Variants in SAMD12 observed in about 807,000 individuals in gnomAD.
SAMD12 encodes the protein sterile alpha motif domain-containing protein 12.
In SAMD12, 9 loss-of-function variants were observed where a neutral mutation model predicts 15.0. That is an observed-to-expected ratio of 0.60 (90% CI 0.36 to 1.05). SAMD12 has a LOEUF of 1.05. Ranked by LOEUF, SAMD12 falls within the 50% of genes least tolerant of loss-of-function variation. The probability of loss-of-function intolerance (pLI) is 0.01; values close to 1 mark genes in which losing one functional copy is unlikely to be tolerated. For missense variants in SAMD12, 230 were observed against 234.2 expected, an observed-to-expected ratio of 0.98 and a Z score of 0.12; for synonymous variants, 86 against 90.1, an observed-to-expected ratio of 0.96 and a Z score of 0.25.
At chr8:118,234,710 C>CAAAA (rs10647591) in intron 4 of SAMD12, among the ~76,000 whole-genome samples, 20 of 105,540 alleles carry the variant, frequency 1.9e-4, no homozygotes, top group Admixed American at 3.4e-4. Flanking sequence ...GACTCCATCT[C>CAAAA]AAAAAAAAAA....
At chr8:118,221,626 A>G (rs2129872076) in intron 4 of SAMD12, among the ~76,000 whole-genome samples, 1 of 152,272 alleles carries the variant, frequency 6.6e-6, no homozygotes, top group East Asian at 1.9e-4. Context: ...TAGTGTTTGG[A>G]GCCAGATCAT....
At chr8:118,483,207 C>T (rs1824176565) in intron 2 of SAMD12, among the ~76,000 whole-genome samples, 1 of 152,140 alleles carries the variant, frequency 6.6e-6, no homozygotes. Context: ...CTATTTGTAA[C>T]AATCAAGACA....
intron 2 of SAMD12, among the ~76,000 whole-genome samples, chr8:118,450,658 C>CA (rs1823053828): frequency 6.6e-6 from 1 of 152,100 alleles, no homozygotes; most frequent in African/African-American, 2.4e-5. Flanking sequence ...AGATTGATGA[C>CA]AAAAAATGTC....
At chr8:118,165,626 A>ACATATATATATGTATATATG in the SAMD12 span, among the ~76,000 whole-genome samples, 139 of 143,578 alleles carry the variant, frequency 9.7e-4, no homozygotes, top group African/African-American at 3.4e-3. Flanking sequence ...ATATATATAT[A>ACATATATATATGTATATATG]TATATATATA....
At chr8:118,408,204 A>G (rs1821227535) in intron 3 of SAMD12, among the ~76,000 whole-genome samples, 1 of 152,188 alleles carries the variant, frequency 6.6e-6, no homozygotes, top group Admixed American at 6.5e-5. Flanking sequence ...CCTTGTATAC[A>G]TGCTACAAAA....
intron 4 of SAMD12, among the ~76,000 whole-genome samples, chr8:118,215,807 T>C (rs1245743491): frequency 6.6e-6 from 1 of 152,256 alleles, no homozygotes; most frequent in East Asian, 1.9e-4. Flanking sequence ...TTACTTTTTA[T>C]GGCTGCATAG....
At chr8:118,286,335 A>C (rs902212896) in intron 4 of SAMD12, among the ~76,000 whole-genome samples, 18 of 151,884 alleles carry the variant, frequency 1.2e-4, no homozygotes, top group African/African-American at 4.4e-4. Context: ...AAAGAAAGCA[A>C]GCTGTGTTGG....
intron 4 of SAMD12, among the ~76,000 whole-genome samples, chr8:118,250,606 G>A (rs770915235): frequency 2.6e-5 from 4 of 151,632 alleles, no homozygotes; most frequent in African/African-American, 9.7e-5. Context: ...AGGTTTAAGC[G>A]ATTTGGCTTC....
At chr8:118,475,165 G>T (rs1298336948) in intron 2 of SAMD12, among the ~76,000 whole-genome samples, 2 of 152,244 alleles carry the variant, frequency 1.3e-5, no homozygotes, top group Non-Finnish European at 2.9e-5. Context: ...CGTGACCCTG[G>T]GAGGTGGAGG....
chr8:118,207,899 A>G (rs914605786), intron 4 of SAMD12, among the ~76,000 whole-genome samples: 2 of 148,066 alleles, frequency 1.4e-5, no homozygotes, highest in Admixed American at 6.8e-5. Context: ...ACACTTTTAA[A>G]GGAGAATACA....
At chr8:118,161,062 C>A in the SAMD12 span, among the ~76,000 whole-genome samples, 2 of 152,084 alleles carry the variant, frequency 1.3e-5, no homozygotes, top group Middle Eastern at 3.4e-3. Flanking sequence ...TTTGTCCTTG[C>A]GATAGTTTGC....
intron 4 of SAMD12, among the ~76,000 whole-genome samples, chr8:118,213,816 G>A (rs1338119426): frequency 6.6e-6 from 1 of 152,124 alleles, no homozygotes; most frequent in Non-Finnish European, 1.5e-5. Context: ...GCTAAGCAAG[G>A]CTTATGGAGC....
intron 4 of SAMD12, among the ~76,000 whole-genome samples, chr8:118,369,209 C>T (rs1025105359): frequency 6.6e-6 from 1 of 152,160 alleles, no homozygotes; most frequent in African/African-American, 2.4e-5. Flanking sequence ...CAAAAACAGA[C>T]ACGTAGACCA....
At chr8:118,562,002 GA>G (rs1448331833) in intron 2 of SAMD12, among the ~76,000 whole-genome samples, 1 of 152,076 alleles carries the variant, frequency 6.6e-6, no homozygotes, top group African/African-American at 2.4e-5. Flanking sequence ...AAAAAAATTA[GA>G]AAAATAATGT....
chr8:118,353,352 C>G (rs775935086), intron 4 of SAMD12, among the ~76,000 whole-genome samples: 1 of 151,444 alleles, frequency 6.6e-6, no homozygotes, highest in Non-Finnish European at 1.5e-5. Context: ...ATGTTGAAGC[C>G]TTAATTCCCA....
At chr8:118,544,160 T>C (rs1485340101) in intron 2 of SAMD12, among the ~76,000 whole-genome samples, 1 of 152,170 alleles carries the variant, frequency 6.6e-6, no homozygotes, top group Non-Finnish European at 1.5e-5. Context: ...CCTGGTCACA[T>C]ATTCAACTAA....
In SAMD12 at chr8:118,336,157, C is replaced by T. The variant is rs117548056; in HGVS notation, c.433+43403G>A. ...TGCTAGTCACATGATCAGAGAGTGA[C>T]GGCACAGATATTTGAACCCAGCTCT... is the stretch of plus-strand genomic sequence containing the variant. On this transcript the variant is annotated intron_variant, in intron 4 of 4. Transcript: ENST00000409003. Among the ~76,000 whole-genome samples the T allele has an allele frequency of 4.9e-3, 747 of 152,230 alleles. 4 individuals are homozygous for T. The highest frequency in any genetic ancestry group is 7.6e-3 in the Admixed American group (116 of 15,300).
chr8:118,351,578 C>A (rs1353483255), intron 4 of SAMD12, among the ~76,000 whole-genome samples: 1 of 152,030 alleles, frequency 6.6e-6, no homozygotes, highest in Non-Finnish European at 1.5e-5. Context: ...AACCTGATAG[C>A]AAGGCTATCA....
intron 4 of SAMD12, among the ~76,000 whole-genome samples, chr8:118,222,800 C>T (rs935033186): frequency 2.0e-5 from 3 of 152,090 alleles, no homozygotes; most frequent in Non-Finnish European, 4.4e-5. Flanking sequence ...CCACGGCACC[C>T]GGCCGAGGAA....
Sources: allele counts gnomAD v4.1 joint callset (sites outside exome capture counted in the v4.1 genomes callset), GRCh38; gene constraint gnomAD v4.1.1; transcripts MANE v1.5; gene names NCBI Gene and HGNC (gene_info 2026-07-23, HGNC 2026-07-21).